IFT88: variants seen among roughly 807,000 people sequenced by gnomAD.
IFT88 encodes intraflagellar transport protein 88 homolog.
IFT88 carries 74 observed loss-of-function variants against 119.5 expected under a neutral mutation model. The observed-to-expected ratio is 0.62, with a 90% CI of 0.51 to 0.75. IFT88 has a LOEUF of 0.75. Ranked by LOEUF, IFT88 falls within the 30% of genes least tolerant of loss-of-function variation. The probability of loss-of-function intolerance (pLI) is 0.00; values close to 1 mark genes in which losing one functional copy is unlikely to be tolerated. For missense variants in IFT88, 961 were observed against 977.7 expected, an observed-to-expected ratio of 0.98 and a Z score of 0.23; for synonymous variants, 279 against 316.7, an observed-to-expected ratio of 0.88 and a Z score of 1.26.
rs1238744164 is a variant in IFT88 at position 20,597,754 on chromosome 13, A to AATAT, written c.594+648_594+651dup. Among the ~76,000 whole-genome samples the AATAT allele has an allele frequency of 4.1e-4, 59 of 142,646 alleles. No homozygotes were observed. The South Asian group carries it at 9.8e-3, about 24-fold the overall frequency. 93.6% of individuals were successfully genotyped at this position (142,646 alleles called of 152,430 possible). A position where few individuals can be genotyped will look rare whatever the true frequency, so the allele number is the denominator to read the frequency against. On this transcript the variant is annotated intron_variant, in intron 9 of 25. Transcript: ENST00000351808. The stretch of plus-strand genomic sequence containing the variant: ...GAGCGAGACTCCGTCTCAAAAAAAA[A>AATAT]ATATATATATATATATTTTTTTTTT...
chr13:20,662,990 G>A (rs980104187), intron 22 of IFT88, among the ~76,000 whole-genome samples: 2 of 152,132 alleles, frequency 1.3e-5, no homozygotes, highest in Non-Finnish European at 2.9e-5. Flanking sequence ...GTATATATTT[G>A]ATGTCAACTG....
chr13:20,568,519 C>G (rs1265643380), intron 1 of IFT88, among the ~76,000 whole-genome samples: 1 of 152,206 alleles, frequency 6.6e-6, no homozygotes, highest in Admixed American at 6.5e-5. Context: ...TTGCTTCCTT[C>G]TATAACTTAT....
intron 24 of IFT88, among the ~76,000 whole-genome samples, chr13:20,675,312 C>T (rs2056524464): frequency 6.6e-6 from 1 of 152,162 alleles, no homozygotes; most frequent in South Asian, 2.1e-4. Flanking sequence ...CTGTCAGCCT[C>T]AGTCCCAACT....
At chr13:20,663,470 T>C in intron 22 of IFT88, 28 bp from the exon 23 acceptor site, 4 of 1,607,374 alleles carry the variant, frequency 2.5e-6, no homozygotes, top group Non-Finnish European at 3.4e-6. Flanking sequence ...GCCTATATTC[T>C]TTCCTAAATG....
rs77931610 is a variant in IFT88 at position 20,582,434 on chromosome 13, G to A, written c.91-523G>A. Among the ~76,000 whole-genome samples the A allele has an allele frequency of 2.0e-3, 298 of 152,264 alleles. 8 individuals are homozygous for A. The East Asian group carries it at 0.047, about 24-fold the overall frequency. ...TTTGCTTAGATTAGCTCCAGTCTGC[G>A]TCTCAGACTTGACCTCTCCAGTGAG... On this transcript the variant is annotated intron_variant, in intron 2 of 25. Transcript: ENST00000351808.
chr13:20,609,469 G>A (rs1755684888), intron 13 of IFT88, among the ~76,000 whole-genome samples: 2 of 152,282 alleles, frequency 1.3e-5, no homozygotes, highest in Middle Eastern at 3.4e-3. Flanking sequence ...TCAAGAGTCA[G>A]TTTAGGGCTG....
At chr13:20,617,710 A>T (rs1160374903) in intron 14 of IFT88, among the ~76,000 whole-genome samples, 1 of 152,204 alleles carries the variant, frequency 6.6e-6, no homozygotes. Context: ...ACTGAACTCC[A>T]CCATATTCCT....
intron 24 of IFT88, among the ~76,000 whole-genome samples, chr13:20,677,096 T>C (rs7995773): frequency 0.27 from 40,696 of 152,120 alleles, 6,617 homozygotes; most frequent in East Asian, 0.7. Context: ...CTTTATATGC[T>C]AGGTATTAAG....
In IFT88 at chr13:20,591,608, C is replaced by A. The variant is rs769338212; in HGVS notation, c.265-10C>A. 9 of 1,604,722 alleles carry A rather than the reference C, an allele frequency of 5.6e-6. No homozygotes were observed. The highest frequency in any genetic ancestry group is 7.7e-6 in the Non-Finnish European group (9 of 1,172,434). On this transcript the variant is annotated splice_polypyrimidine_tract_variant and intron_variant, in intron 5 of 25. Coordinates refer to ENST00000351808, the MANE Select transcript of IFT88 (RefSeq NM_006531.5). Reference sequence around the variant, plus strand: ...TATTTAAGAATAAATGATTCCCATTCTCTTTAAAGGATGGAGTTACTAGAC... The same window carrying A: ...TATTTAAGAATAAATGATTCCCATTATCTTTAAAGGATGGAGTTACTAGAC...
At chr13:20,594,534 T>G (rs999836743) in intron 7 of IFT88, among the ~76,000 whole-genome samples, 1 of 152,186 alleles carries the variant, frequency 6.6e-6, no homozygotes, top group African/African-American at 2.4e-5. Flanking sequence ...GAATATAGAT[T>G]GCATTTTTTT....
intron 24 of IFT88, among the ~76,000 whole-genome samples, chr13:20,690,146 T>A (rs1176085324): frequency 1.3e-5 from 2 of 152,156 alleles, no homozygotes; most frequent in African/African-American, 2.4e-5. Context: ...AAATGGTCAG[T>A]GTGTTTATCA....
chr13:20,594,739 A>G (rs2041339620), intron 7 of IFT88, among the ~76,000 whole-genome samples: 1 of 152,188 alleles, frequency 6.6e-6, no homozygotes. Context: ...TCATAAAACT[A>G]CCATCTATTA....
Position 20,653,875 on chromosome 13 carries a change from G to A in IFT88, c.1950-1G>A. The A allele has an allele frequency of 6.4e-7, 1 of 1,553,238 alleles. No individual in the cohort carries two copies. The highest frequency in any genetic ancestry group is 8.8e-7 in the Non-Finnish European group (1 of 1,140,782). On this transcript the variant is annotated splice_acceptor_variant, in intron 20 of 25. Coordinates refer to ENST00000351808, the MANE Select transcript of IFT88 (RefSeq NM_006531.5). LOFTEE classifies it high-confidence loss of function. The stretch of plus-strand genomic sequence containing the variant: ...TTTCATCTCATTTATTTATTTTATA[G>A]GCCTACACAAGTGAAATGGCAGCTG...
At position 20,615,805 on chromosome 13, in the gene IFT88, A is replaced by C. The variant is rs1437375011; in HGVS notation, c.1125A>C (p.Ala375=). The change falls in exon 14 of 26, where the codon GCA becomes GCC. Residue 375 remains alanine (A), a synonymous_variant. Coordinates refer to ENST00000351808, the MANE Select transcript of IFT88 (RefSeq NM_006531.5). ...RQMERERKAM[A]EKYIMTSAKL... Reference sequence around the variant, plus strand: ...TTATTTGATATAGGAAAGCCATGGCAGAAAAATATATTATGACATCTGCAA... The same window carrying C: ...TTATTTGATATAGGAAAGCCATGGCCGAAAAATATATTATGACATCTGCAA... 1 of 1,597,724 alleles carries C rather than the reference A, an allele frequency of 6.3e-7. No homozygotes were observed. Among genetic ancestry groups the C allele is most frequent in the African/African-American group, 1.3e-5 (1 of 74,146 alleles).
At chr13:20,665,849 C>G (rs950791338) in intron 23 of IFT88, among the ~76,000 whole-genome samples, 13 of 152,088 alleles carry the variant, frequency 8.5e-5, no homozygotes, top group Admixed American at 5.9e-4. Context: ...AGAGGCAGTT[C>G]CCAGACGGGC....
At chr13:20,591,101 A>G in intron 5 of IFT88, 81 bp downstream of exon 5, 3 of 914,794 alleles carry the variant, frequency 3.3e-6, no homozygotes, top group South Asian at 1.6e-5. Context: ...ACTTTATTAT[A>G]TTATTTTAAA....
intron 16 of IFT88, 83 bp from the exon 17 acceptor site, chr13:20,638,249 C>CT (rs1166308221): frequency 9.9e-5 from 71 of 716,412 alleles, no homozygotes; most frequent in Non-Finnish European, 1.4e-4. Flanking sequence ...CTCAGAAAGT[C>CT]TATTTATTAT....
rs539496083 is a variant in IFT88, at chr13:20,686,459, C to T, written c.2243-4246C>T. 9.8e-5 allele frequency among the ~76,000 whole-genome samples: 15 copies of T among 152,288 alleles called. No homozygotes were observed. In the South Asian group the frequency reaches 3.1e-3, roughly 32 times the overall value. On this transcript the variant is annotated intron_variant, in intron 24 of 25. Coordinates refer to ENST00000351808, the MANE Select transcript of IFT88 (RefSeq NM_006531.5). ...TTCCTGAAGGCAGTGGCTGCATCTCCTTTTGCCTCTGCTGGGTGTGAACAG... is the reference window on the plus strand; with the variant it reads ...TTCCTGAAGGCAGTGGCTGCATCTCTTTTTGCCTCTGCTGGGTGTGAACAG...
intron 13 of IFT88, among the ~76,000 whole-genome samples, chr13:20,613,660 A>C (rs566138658): frequency 7.8e-5 from 10 of 128,034 alleles, no homozygotes; most frequent in African/African-American, 2.5e-4. Flanking sequence ...ATAATATCGA[A>C]AAATAGAAAT....
Sources: gnomAD v4.1 joint callset for allele counts (sites outside exome capture counted in the v4.1 genomes callset) on GRCh38, gnomAD v4.1.1 for gene constraint, MANE v1.5 for transcripts, NCBI Gene and HGNC (gene_info 2026-07-23, HGNC 2026-07-21) for gene names.